The following POLE variants were observed in gnomAD, a reference collection of about 807,000 sequenced individuals.
POLE encodes DNA polymerase epsilon, catalytic subunit, also known as DNA polymerase epsilon catalytic subunit A.
POLE carries 188 observed loss-of-function variants against 279.2 expected under a neutral mutation model. That is an observed-to-expected ratio of 0.67 (90% CI 0.60 to 0.76). The LOEUF (loss-of-function observed/expected upper bound fraction) is 0.76. Among genes scored for constraint, POLE ranks in the 30% least tolerant of loss-of-function variants. POLE has a pLI of 0.00. For missense variants in POLE, 2,703 were observed against 3,016.7 expected (o/e 0.90, Z 2.44); for synonymous variants, 1,214 against 1,172.5 (o/e 1.04, Z -0.72).
chr12:132,656,695 C>T (rs1039671676), intron 29 of POLE, among the ~76,000 whole-genome samples: 8 of 152,196 alleles, frequency 5.3e-5, no homozygotes, highest in African/African-American at 1.9e-4. Flanking sequence ...TTGTATACTG[C>T]TCTGATTTAT....
intron 38 of POLE, 49 bp downstream of exon 38, chr12:132,642,128 G>T: frequency 7.1e-7 from 1 of 1,416,348 alleles, no homozygotes; most frequent in South Asian, 1.3e-5. Context: ...TCACAGAATG[G>T]CAGAAACACC....
intron 45 of POLE, among the ~76,000 whole-genome samples, chr12:132,631,306 G>A (rs1254039161): frequency 2.0e-5 from 3 of 152,264 alleles, no homozygotes; most frequent in South Asian, 4.1e-4. Context: ...GGCAGTGCGG[G>A]GAATGTTTTC....
chr12:132,668,032 A>G lies in POLE; in HGVS notation c.2173+324T>C, dbSNP rs1427545297. ...TGGGAGGTTGAGGCTGCAGTGAGCC[A>G]AGATCACACCACTGCATTCCAGCCT... On this transcript the variant is annotated intron_variant, in intron 19 of 48. Coordinates refer to ENST00000320574, the MANE Select transcript of POLE (RefSeq NM_006231.4). The surrounding 1 kb of genome is among the most constrained non-coding windows in gnomAD (Gnocchi z 4.0). Among the ~76,000 whole-genome samples, 3 of 152,070 alleles carry G rather than the reference A, an allele frequency of 2.0e-5. No individual in the cohort carries two copies. The highest frequency in any genetic ancestry group is 4.4e-5 in the Non-Finnish European group (3 of 68,008).
chr12:132,649,336 G>A lies in POLE; in HGVS notation c.3975C>T (p.Ser1325=), dbSNP rs749011369. The A allele has an allele frequency of 2.5e-5, 41 of 1,613,536 alleles. No individual in the cohort carries two copies. Among genetic ancestry groups the A allele is most frequent in the Non-Finnish European group, 3.4e-5 (40 of 1,180,048 alleles). Reference sequence around the variant, plus strand: ...CAATCTGCCACGGAAGGTCCAGGATGCTGCGGGCAGTTCTTCGCAAGAAGC... The same window carrying A: ...CAATCTGCCACGGAAGGTCCAGGATACTGCGGGCAGTTCTTCGCAAGAAGC... ...LGSFLRRTAR[S]ILDLPWQIVQ... Residue 1325 remains serine, a synonymous_variant, in exon 31 of 49, where the codon AGC becomes AGT. Coordinates refer to ENST00000320574, the MANE Select transcript of POLE (RefSeq NM_006231.4).
chr12:132,627,810 T>C (rs1226708738), intron 45 of POLE, among the ~76,000 whole-genome samples: 1 of 152,004 alleles, frequency 6.6e-6, no homozygotes, highest in East Asian at 1.9e-4. Context: ...TTGCTGAGAG[T>C]TGGGGTGGCT....
Position 132,649,694 on chromosome 12 carries a change from C to CGGGG in POLE, c.3777_3778insCCCC (p.Ala1260ProfsTer96). ...TGCCTTACCTGGCTGGTTCCCAGGGCGGGAGGCTGCCCCAAGATTTCCTGC... is the reference window on the plus strand; with the variant it reads ...TGCCTTACCTGGCTGGTTCCCAGGGCGGGGGGGAGGCTGCCCCAAGATTTCCTGC... On this transcript the variant is annotated frameshift_variant, in exon 30 of 49. Coordinates refer to ENST00000320574, the MANE Select transcript of POLE (RefSeq NM_006231.4). LOFTEE classifies it high-confidence loss of function. 2 of 1,613,998 alleles carry CGGGG rather than the reference C, an allele frequency of 1.2e-6. No homozygotes were observed. Among genetic ancestry groups the CGGGG allele is most frequent in the Non-Finnish European group, 1.7e-6 (2 of 1,180,016 alleles).
At chr12:132,685,409 C>T (rs954165789) in intron 1 of POLE, among the ~76,000 whole-genome samples, 2 of 152,278 alleles carry the variant, frequency 1.3e-5, no homozygotes, top group African/African-American at 2.4e-5. Context: ...TTCATGACAA[C>T]CCCTACGAGG....
In POLE at chr12:132,634,535, C is replaced by T. The variant is rs370184312; in HGVS notation, c.5812-157G>A. 6.6e-5 allele frequency among the ~76,000 whole-genome samples: 10 copies of T among 152,312 alleles called. No individual in the cohort carries two copies. In the South Asian group the frequency reaches 1.0e-3, roughly 16 times the overall value. ...GGCATCCCCTGGAGCCTGCGTGAAT[C>T]CCCCAGGGTGGCTCCCAGTACAAAG... On this transcript the variant is annotated intron_variant, in intron 42 of 48. Transcript: ENST00000320574. This position sits in a 1 kb window ranked among gnomAD's most constrained non-coding sequence, Gnocchi z 4.0.
chr12:132,659,670 CAT>C (rs903550623), intron 25 of POLE, 161 bp from the exon 26 acceptor site: 15 of 608,034 alleles, frequency 2.5e-5, no homozygotes, highest in Non-Finnish European at 4.1e-5. Context: ...TACTTTAAAA[CAT>C]ACACACACAC....
rs772957197 is a variant in POLE at position 132,668,342 on chromosome 12, G to A, written c.2173+14C>T. 2 of 1,556,068 alleles carry A rather than the reference G, an allele frequency of 1.3e-6. No homozygotes were observed. Among genetic ancestry groups the A allele is most frequent in the Non-Finnish European group, 1.7e-6 (2 of 1,149,562 alleles). On this transcript the variant is annotated intron_variant, in intron 19 of 48. Coordinates refer to ENST00000320574, the MANE Select transcript of POLE (RefSeq NM_006231.4). The surrounding 1 kb of genome is among the most constrained non-coding windows in gnomAD (Gnocchi z 4.0). ...GCCACATCTTTACAGCCGTGACCAT[G>A]CCCAGGCACTCACCCGCCAGCCTTC... is the stretch of plus-strand genomic sequence containing the variant.
chr12:132,671,678 GAAAAAAAA>G (rs59237637), intron 16 of POLE, among the ~76,000 whole-genome samples: 1 of 72,546 alleles, frequency 1.4e-5, no homozygotes, highest in Admixed American at 1.9e-4. Flanking sequence ...CTCAAAAAGG[GAAAAAAAA>G]AAAAAAAAAA....
At chr12:132,677,484 G>C (rs1390740865) in intron 7 of POLE, 41 bp from the exon 8 acceptor site, 4 of 1,609,144 alleles carry the variant, frequency 2.5e-6, no homozygotes, top group Non-Finnish European at 8.5e-7. Flanking sequence ...TCTACATCCA[G>C]GAAAGTCTAT....
chr12:132,687,255 T>G lies in POLE; in HGVS notation c.61A>C (p.Arg21=). The stretch of plus-strand genomic sequence containing the variant: ...GAGCCTCAGGAGGGCGCCCCTCACC[T>G]GCTGGCCTCGCCATCCGCGCCTGGG... The part of the protein sequence containing the change: ...ADPGADGEAS[R]DDGATSSVSA... Residue 21 remains arginine (R), a splice_region_variant and synonymous_variant, in exon 1 of 49, where the codon AGG becomes CGG. Transcript: ENST00000320574. 1.3e-6 allele frequency: 2 copies of G among 1,493,620 alleles called. No homozygotes were observed. The highest frequency in any genetic ancestry group is 1.8e-6 in the Non-Finnish European group (2 of 1,123,672). The allele number at this position is 1,493,620 out of a possible 1,614,324, so 92.5% of individuals were successfully genotyped here.
At chr12:132,683,276 A>G (rs995622785) in intron 1 of POLE, among the ~76,000 whole-genome samples, 1 of 152,188 alleles carries the variant, frequency 6.6e-6, no homozygotes, top group African/African-American at 2.4e-5. Context: ...GAATCCTTGT[A>G]GAGTGAGGCA....
intron 35 of POLE, 108 bp downstream of exon 35, chr12:132,643,116 A>G: frequency 6.8e-7 from 1 of 1,466,594 alleles, no homozygotes; most frequent in Non-Finnish European, 9.3e-7. Flanking sequence ...ACTCATGGGC[A>G]AAGGCCCTTG....
Position 132,664,978 on chromosome 12 carries a change from G to A in POLE, c.2468+324C>T, listed in dbSNP as rs1336462942. ...CAGACATGCTGTGAAGCAACTGCCC[G>A]ACACTCTGCAAGTCCCTGAGTGAGG... is the stretch of plus-strand genomic sequence containing the variant. On this transcript the variant is annotated intron_variant, in intron 21 of 48. Transcript: ENST00000320574. The surrounding 1 kb of genome is among the most constrained non-coding windows in gnomAD (Gnocchi z 5.3). Among the ~76,000 whole-genome samples the A allele has an allele frequency of 2.1e-5, 3 of 144,980 alleles. No individual in the cohort carries two copies. Among genetic ancestry groups the A allele is most frequent in the Non-Finnish European group, 3.0e-5 (2 of 66,428 alleles).
At chr12:132,641,551 G>T in intron 39 of POLE, 96 bp downstream of exon 39, 1 of 1,015,142 alleles carries the variant, frequency 9.9e-7, no homozygotes, top group Non-Finnish European at 1.5e-6. Flanking sequence ...ACTAAGGGAA[G>T]CCCAATGGAC....
rs2042829173 is a variant in POLE at position 132,667,710 on chromosome 12, G to A, written c.2174-62C>T. 3.2e-6 allele frequency: 5 copies of A among 1,562,294 alleles called. 1 individual carries two copies. In the East Asian group the frequency reaches 6.7e-5, roughly 21 times the overall value. The stretch of plus-strand genomic sequence containing the variant: ...GATCTCCCAGAGCAGAGGGAGCCAG[G>A]GCACAGGGGTGCTGAAGAACATGGC... On this transcript the variant is annotated intron_variant, in intron 19 of 48. Transcript: ENST00000320574.
At chr12:132,678,777 T>C (rs1050241345) in intron 6 of POLE, among the ~76,000 whole-genome samples, 3 of 152,286 alleles carry the variant, frequency 2.0e-5, no homozygotes, top group Admixed American at 6.5e-5. Flanking sequence ...GCGGCCACTA[T>C]TGGCCTATAA....
Sources: allele counts gnomAD v4.1 joint callset (sites outside exome capture counted in the v4.1 genomes callset), GRCh38; gene constraint gnomAD v4.1.1; non-coding constraint Gnocchi (gnomAD v3.1); transcripts MANE v1.5; gene names NCBI Gene and HGNC (gene_info 2026-07-23, HGNC 2026-07-21).